The following KHDRBS2 variants were observed in gnomAD, a reference collection of about 807,000 sequenced individuals.
The protein encoded by KHDRBS2 is KH domain-containing, RNA-binding, signal transduction-associated protein 2.
In KHDRBS2, 26 loss-of-function variants were observed where a neutral mutation model predicts 44.3. The ratio of observed to expected loss-of-function variants is 0.59; its 90% CI spans 0.43 to 0.81. The LOEUF is 0.81. KHDRBS2 is among the 40% of genes least tolerant of loss of function. The pLI, the probability that KHDRBS2 is intolerant of heterozygous loss-of-function variation, is 0.00. For missense variants in KHDRBS2, 476 were observed against 433.1 expected, an observed-to-expected ratio of 1.10 and a Z score of -0.88; for synonymous variants, 194 against 151.1, an observed-to-expected ratio of 1.28 and a Z score of -2.08.
At chr6:62,160,534 T>C (rs1019854771) in intron 2 of KHDRBS2, among the ~76,000 whole-genome samples, 2 of 152,282 alleles carry the variant, frequency 1.3e-5, no homozygotes, top group East Asian at 3.9e-4. Flanking sequence ...CCCTGTCTTT[T>C]ACTTTGAGTA....
At chr6:62,082,585 A>T (rs1391535317) in intron 2 of KHDRBS2, among the ~76,000 whole-genome samples, 1 of 152,158 alleles carries the variant, frequency 6.6e-6, no homozygotes, top group Non-Finnish European at 1.5e-5. Flanking sequence ...ACAAAGATAG[A>T]TATGTGACCT....
chr6:62,216,818 C>T (rs945222515), intron 1 of KHDRBS2, among the ~76,000 whole-genome samples: 6 of 149,994 alleles, frequency 4.0e-5, no homozygotes, highest in African/African-American at 1.5e-4. Flanking sequence ...CGGTGAGATA[C>T]AGGAAAACTG....
intron 1 of KHDRBS2, among the ~76,000 whole-genome samples, chr6:62,245,729 T>C (rs1283393718): frequency 6.6e-6 from 1 of 152,080 alleles, no homozygotes. Context: ...TAATTGAAGA[T>C]TAGATAAATA....
At chr6:61,723,200 A>C (rs1475520580) in intron 7 of KHDRBS2, among the ~76,000 whole-genome samples, 1 of 152,014 alleles carries the variant, frequency 6.6e-6, no homozygotes, top group Non-Finnish European at 1.5e-5. Context: ...CAATAATATC[A>C]ACAAAAAGAA....
intron 1 of KHDRBS2, among the ~76,000 whole-genome samples, chr6:62,226,002 G>A (rs1364086118): frequency 6.6e-6 from 1 of 152,150 alleles, no homozygotes; most frequent in Non-Finnish European, 1.5e-5. Context: ...AAACATACAT[G>A]TGCATGTGTC....
intron 6 of KHDRBS2, among the ~76,000 whole-genome samples, chr6:61,869,088 C>T (rs528577860): frequency 6.6e-5 from 10 of 152,096 alleles, no homozygotes; most frequent in Non-Finnish European, 1.5e-4. Context: ...GAGGGGGGTT[C>T]CCTTGCGTCC....
intron 1 of KHDRBS2, among the ~76,000 whole-genome samples, chr6:62,206,056 A>G (rs1827909727): frequency 6.6e-6 from 1 of 152,196 alleles, no homozygotes; most frequent in Non-Finnish European, 1.5e-5. Flanking sequence ...GTGAATAATA[A>G]TATGGTTTAC....
chr6:61,570,401 C>T, the KHDRBS2 span, among the ~76,000 whole-genome samples: 2 of 151,800 alleles, frequency 1.3e-5, no homozygotes, highest in Admixed American at 6.6e-5. Flanking sequence ...AACAAAGCCT[C>T]CAAGAAATTT....
the KHDRBS2 span, among the ~76,000 whole-genome samples, chr6:61,586,830 C>T: frequency 6.6e-6 from 1 of 152,102 alleles, no homozygotes; most frequent in Non-Finnish European, 1.5e-5. Flanking sequence ...TCTCCACATG[C>T]CTGAAGCCAG....
chr6:62,225,220 T>G lies in KHDRBS2; in HGVS notation c.92-47908A>C, dbSNP rs140411400. ...AGAAACTCTGGTCTAATCTGATCAA[T>G]CCAGGAGGGTTCACTTATCCCACTG... On this transcript the variant is annotated intron_variant, in intron 1 of 8. Transcript: ENST00000281156. 2.5e-3 allele frequency among the ~76,000 whole-genome samples: 382 copies of G among 152,300 alleles called. 3 individuals carry two copies. The highest frequency in any genetic ancestry group is 8.4e-3 in the African/African-American group (350 of 41,574).
intron 6 of KHDRBS2, among the ~76,000 whole-genome samples, chr6:61,820,973 C>T (rs1384246723): frequency 6.6e-6 from 1 of 151,938 alleles, no homozygotes; most frequent in Non-Finnish European, 1.5e-5. Flanking sequence ...TGACTAAATT[C>T]CTACTGACTG....
At chr6:61,595,575 T>C in the KHDRBS2 span, among the ~76,000 whole-genome samples, 1 of 152,192 alleles carries the variant, frequency 6.6e-6, no homozygotes, top group Admixed American at 6.5e-5. Context: ...ATTTCTCTTA[T>C]TTTAATACTC....
the KHDRBS2 span, among the ~76,000 whole-genome samples, chr6:61,643,398 G>A: frequency 6.6e-6 from 1 of 152,084 alleles, no homozygotes; most frequent in South Asian, 2.1e-4. Context: ...TTGAAAACAG[G>A]CATAAGACAA....
chr6:62,125,797 C>G (rs770040594), intron 2 of KHDRBS2, among the ~76,000 whole-genome samples: 1 of 152,132 alleles, frequency 6.6e-6, no homozygotes, highest in East Asian at 1.9e-4. Context: ...GAATTCTTCA[C>G]CCGCTGACTA....
At chr6:62,137,440 G>A (rs1478242151) in intron 2 of KHDRBS2, among the ~76,000 whole-genome samples, 1 of 152,104 alleles carries the variant, frequency 6.6e-6, no homozygotes, top group East Asian at 1.9e-4. Context: ...TTTATTTAGA[G>A]CAGAATTATA....
At chr6:61,928,063 T>A (rs1809307198) in intron 4 of KHDRBS2, among the ~76,000 whole-genome samples, 1 of 152,130 alleles carries the variant, frequency 6.6e-6, no homozygotes, top group Non-Finnish European at 1.5e-5. Context: ...TGGGTTCTGC[T>A]TACTGCTTGC....
chr6:62,008,790 C>T (rs1483640355), intron 3 of KHDRBS2, among the ~76,000 whole-genome samples: 2 of 152,184 alleles, frequency 1.3e-5, no homozygotes, highest in African/African-American at 4.8e-5. Context: ...CTCTCTTTGC[C>T]TGCTGCCATC....
At chr6:62,210,823 T>C (rs1214824990) in intron 1 of KHDRBS2, among the ~76,000 whole-genome samples, 1 of 152,154 alleles carries the variant, frequency 6.6e-6, no homozygotes, top group East Asian at 1.9e-4. Context: ...GGTTAGGCAA[T>C]TCTCAGAGAG....
chr6:61,818,811 A>T (rs1045776758), intron 6 of KHDRBS2, among the ~76,000 whole-genome samples: 1 of 151,936 alleles, frequency 6.6e-6, no homozygotes, highest in African/African-American at 2.4e-5. Context: ...TAAGCATAAA[A>T]ATTATACCAA....
Sources: allele counts gnomAD v4.1 joint callset (sites outside exome capture counted in the v4.1 genomes callset), GRCh38; gene constraint gnomAD v4.1.1; transcripts MANE v1.5; gene names NCBI Gene and HGNC (gene_info 2026-07-23, HGNC 2026-07-21).